Variants in AP1G1 observed in about 807,000 individuals in gnomAD.
AP1G1 encodes the protein AP-1 complex subunit gamma-1.
Under a neutral mutation model 108.3 loss-of-function variants are expected in AP1G1, and 7 were observed. The ratio of observed to expected loss-of-function variants is 0.06; its 90% CI spans 0.04 to 0.12. The LOEUF (loss-of-function observed/expected upper bound fraction) is 0.12. Ranked by LOEUF, AP1G1 falls within the 10% of genes least tolerant of loss-of-function variation. The pLI, the probability that AP1G1 is intolerant of heterozygous loss-of-function variation, is 1.00. For missense variants in AP1G1, 756 were observed against 1,010.7 expected, an observed-to-expected ratio of 0.75 and a Z score of 3.42; for synonymous variants, 379 against 353.5, an observed-to-expected ratio of 1.07 and a Z score of -0.81.
intron 6 of AP1G1, among the ~76,000 whole-genome samples, chr16:71,768,377 T>G (rs2031405351): frequency 6.6e-6 from 1 of 150,684 alleles, no homozygotes; most frequent in Non-Finnish European, 1.5e-5. Flanking sequence ...GGCAGGCGCC[T>G]GTAGTCCCAG....
At position 71,744,644 on chromosome 16, in the gene AP1G1, C is replaced by T. The variant is rs370178684; in HGVS notation, c.1999+500G>A. On this transcript the variant is annotated intron_variant, in intron 19 of 22. Transcript: ENST00000299980. ...GCTGCAGTACACACTGGCGCGATCTCGGCTCACTGCAACCTCCGTCTCTCA... is the reference window on the plus strand; with the variant it reads ...GCTGCAGTACACACTGGCGCGATCTTGGCTCACTGCAACCTCCGTCTCTCA... Among the ~76,000 whole-genome samples, 27 of 139,446 alleles carry T rather than the reference C, an allele frequency of 1.9e-4. No homozygotes were observed. The East Asian group carries it at 3.5e-3, about 18-fold the overall frequency. 91.5% of individuals were successfully genotyped at this position (139,446 alleles called of 152,430 possible). A position where few individuals can be genotyped will look rare whatever the true frequency, so the allele number is the denominator to read the frequency against.
intron 7 of AP1G1, 81 bp downstream of exon 7, chr16:71,765,408 C>G: frequency 1.0e-6 from 1 of 998,790 alleles, no homozygotes. Flanking sequence ...CTACTCAACA[C>G]AAACTTAAGA....
At chr16:71,800,030 G>C (rs1415039632) in intron 1 of AP1G1, among the ~76,000 whole-genome samples, 1 of 151,466 alleles carries the variant, frequency 6.6e-6, no homozygotes, top group Non-Finnish European at 1.5e-5. Flanking sequence ...AGATCAGCCT[G>C]AGCAACATAG....
At position 71,769,702 on chromosome 16, in the gene AP1G1, G is replaced by T; in HGVS notation, c.566-3C>A. ...GACTACAGATGTGTGGAGGACACCT[G>T]AAAGAAAAGATCAAAGGAAAACTAA... On this transcript the variant is annotated splice_region_variant and splice_polypyrimidine_tract_variant and intron_variant, in intron 5 of 22. Transcript: ENST00000299980. 1 of 1,611,404 alleles carries T rather than the reference G, an allele frequency of 6.2e-7. No individual in the cohort carries two copies. Among genetic ancestry groups the T allele is most frequent in the South Asian group, 1.1e-5 (1 of 90,966 alleles).
At chr16:71,741,226 A>G (rs927568494) in intron 19 of AP1G1, among the ~76,000 whole-genome samples, 8 of 152,190 alleles carry the variant, frequency 5.3e-5, no homozygotes, top group Non-Finnish European at 8.8e-5. Flanking sequence ...CTAGAATATC[A>G]TCTTTTTTTA....
intron 21 of AP1G1, among the ~76,000 whole-genome samples, chr16:71,736,433 T>G (rs936361874): frequency 1.3e-5 from 2 of 149,546 alleles, no homozygotes; most frequent in African/African-American, 4.9e-5. Flanking sequence ...CAGGCTGGAG[T>G]GCAGTGGTGC....
chr16:71,774,342 T>G, intron 3 of AP1G1, 126 bp downstream of exon 3: 1 of 946,360 alleles, frequency 1.1e-6, no homozygotes, highest in Non-Finnish European at 1.6e-6. Context: ...CGGAGGAGGA[T>G]GCAGTGAGTC....
At chr16:71,743,242 T>C (rs1472801504) in intron 19 of AP1G1, 1 of 152,152 alleles carries the variant, frequency 6.6e-6, no homozygotes, top group Non-Finnish European at 1.5e-5. Context: ...AAGTAACATT[T>C]TGAAATTTTG....
At chr16:71,773,101 T>C (rs1271751501) in intron 4 of AP1G1, 120 bp downstream of exon 4, 1 of 1,087,136 alleles carries the variant, frequency 9.2e-7, no homozygotes. Flanking sequence ...GTAAAACAGA[T>C]TTACTACACA....
rs571476399 is a variant in AP1G1, at chr16:71,750,256, T to C, written c.1361A>G (p.Tyr454Cys). The stretch of plus-strand genomic sequence containing the variant: ...TGCTTTGTACAGGCGCTGGACAGTA[T>C]AGGCATGCATCTCCACACTATTAGT... The part of the protein sequence containing the change: ...LITNSVEMHA[Y>C]TVQRLYKAIL... The change falls in exon 14 of 23, where the codon TAT becomes TGT. Residue 454 changes from tyrosine to cysteine, a missense_variant. Physicochemically the swap from Tyr to Cys is radical, Grantham distance 194 (BLOSUM62 -2). This residue lies in a region of AP1G1 where 357 missense variants were observed against 366.5 expected (regional missense o/e 0.97). Coordinates refer to ENST00000299980, the MANE Select transcript of AP1G1 (RefSeq NM_001128.6). 1.9e-6 allele frequency: 3 copies of C among 1,614,108 alleles called. No individual in the cohort carries two copies. Among genetic ancestry groups the C allele is most frequent in the East Asian group, 2.2e-5 (1 of 44,868 alleles).
chr16:71,753,235 G>C (rs551076599), intron 13 of AP1G1, among the ~76,000 whole-genome samples: 174 of 152,206 alleles, frequency 1.1e-3, no homozygotes, highest in African/African-American at 4.0e-3. Flanking sequence ...CTGAATTTCT[G>C]CAAGAATGCC....
rs565051409 is a variant in AP1G1, at chr16:71,770,283, A to C, written c.566-584T>G. 1.1e-4 allele frequency among the ~76,000 whole-genome samples: 17 copies of C among 152,366 alleles called. No individual in the cohort carries two copies. The East Asian group carries it at 3.3e-3, about 29-fold the overall frequency. ...CTGGGCACAGCACTGAATTTGTCAA[A>C]TTAAATATACCATACAATTTTTCCT... On this transcript the variant is annotated intron_variant, in intron 5 of 22. Transcript: ENST00000299980.
At chr16:71,761,856 C>G (rs1211168122) in intron 9 of AP1G1, among the ~76,000 whole-genome samples, 2 of 145,340 alleles carry the variant, frequency 1.4e-5, no homozygotes, top group Non-Finnish European at 3.0e-5. Flanking sequence ...AATCTAAAGG[C>G]AAACTCTTAA....
chr16:71,746,990 A>G, intron 16 of AP1G1: 1 of 187,214 alleles, frequency 5.3e-6, no homozygotes, highest in Non-Finnish European at 1.1e-5. Flanking sequence ...ACTTTGCTAG[A>G]CAAAAGTACC....
intron 1 of AP1G1, among the ~76,000 whole-genome samples, chr16:71,803,912 G>C (rs1217500555): frequency 7.2e-6 from 1 of 139,348 alleles, no homozygotes; most frequent in Non-Finnish European, 1.5e-5. Flanking sequence ...CAACAGAGGA[G>C]GACTCCGTCT....
In AP1G1 at chr16:71,803,514, T is replaced by G. The variant is rs542127367; in HGVS notation, c.-4+5249A>C. 5.3e-5 allele frequency among the ~76,000 whole-genome samples: 8 copies of G among 151,912 alleles called. No individual in the cohort carries two copies. The South Asian group carries it at 1.7e-3, about 32-fold the overall frequency. The stretch of plus-strand genomic sequence containing the variant: ...TGACTCAACACATTTGGCAAGTGAG[T>G]TTTTTTTCTCCCACTTCTGGACCCT... On this transcript the variant is annotated intron_variant, in intron 1 of 22. Coordinates refer to ENST00000299980, the MANE Select transcript of AP1G1 (RefSeq NM_001128.6).
intron 19 of AP1G1, among the ~76,000 whole-genome samples, chr16:71,739,745 G>C (rs1597034504): frequency 7.6e-6 from 1 of 131,932 alleles, no homozygotes; most frequent in African/African-American, 2.8e-5. Context: ...AGACTCTGTC[G>C]CAAAAAAAAA....
intron 21 of AP1G1, among the ~76,000 whole-genome samples, chr16:71,736,117 A>AAAAAAAAAAAAAAAAATATATAT (rs1555550846): frequency 1.4e-5 from 1 of 71,622 alleles, no homozygotes; most frequent in African/African-American, 6.2e-5. Context: ...AAAAAAAAAA[A>AAAAAAAAAAAAAAAAATATATAT]ATATATATAT....
At chr16:71,764,485 A>G in intron 8 of AP1G1, 37 bp from the exon 9 acceptor site, 1 of 1,420,556 alleles carries the variant, frequency 7.0e-7, no homozygotes, top group Non-Finnish European at 9.7e-7. Context: ...ATAAGTGATA[A>G]AAACAATGCT....
Sources: gnomAD v4.1 joint callset for allele counts (sites outside exome capture counted in the v4.1 genomes callset) on GRCh38, gnomAD v4.1.1 for gene constraint, gnomAD v4.1.1 regional missense constraint, MANE v1.5 for transcripts, NCBI Gene and HGNC (gene_info 2026-07-23, HGNC 2026-07-21) for gene names.